NLRP9: variants seen among roughly 807,000 people sequenced by gnomAD.
NLRP9 encodes the protein NACHT, LRR and PYD domains-containing protein 9.
A neutral mutation model predicts 83.1 loss-of-function variants in NLRP9; 88 were observed. The ratio of observed to expected loss-of-function variants is 1.06; its 90% CI spans 0.89 to 1.26. NLRP9 has a LOEUF of 1.26. NLRP9 is among the 50% of genes most tolerant of loss of function. The probability of loss-of-function intolerance (pLI) is 0.00; values close to 1 mark genes in which losing one functional copy is unlikely to be tolerated. For synonymous variants in NLRP9, 521 were observed against 447.6 expected, an observed-to-expected ratio of 1.16 and a Z score of -2.07; for missense variants, 1,308 against 1,179.3, an observed-to-expected ratio of 1.11 and a Z score of -1.60.
At chr19:55,709,477 C>T (rs1369298996) in intron 8 of NLRP9, 3 of 152,460 alleles carry the variant, frequency 2.0e-5, no homozygotes, top group East Asian at 3.8e-4. Context: ...CAGCCTCTTC[C>T]ATTTACAACC....
At position 55,737,734 on chromosome 19, in the gene NLRP9, T is replaced by TAAAAAAAAAAAAAAA. The variant is rs57736610; in HGVS notation, c.280+346_280+360dup. On this transcript the variant is annotated intron_variant, in intron 1 of 8. Coordinates refer to ENST00000332836, the MANE Select transcript of NLRP9 (RefSeq NM_176820.4). ...GAGCAACATGGCAAGACCCTTTCTC[T>TAAAAAAAAAAAAAAA]AAAAAAAAAAAAAAAAAAAAAAAAA... is the stretch of plus-strand genomic sequence containing the variant. 6.6e-4 allele frequency: 53 copies of TAAAAAAAAAAAAAAA among 80,284 alleles called. 1 individual carries two copies. Among genetic ancestry groups the TAAAAAAAAAAAAAAA allele is most frequent in the African/African-American group, 7.4e-4 (15 of 20,380 alleles). The allele number at this position is 80,284 out of a possible 1,614,324, so 5.0% of individuals were successfully genotyped here.
intron 4 of NLRP9, among the ~76,000 whole-genome samples, chr19:55,720,865 A>G (rs1988203879): frequency 6.6e-6 from 1 of 152,248 alleles, no homozygotes; most frequent in African/African-American, 2.4e-5. Context: ...CAGCACATCA[A>G]ACAGACATAT....
chr19:55,716,106 G>A (rs570809571), intron 5 of NLRP9, among the ~76,000 whole-genome samples: 8 of 152,058 alleles, frequency 5.3e-5, no homozygotes, highest in Admixed American at 1.3e-4. Context: ...CGTATACTTC[G>A]CTGAGAGTTG....
intron 6 of NLRP9, 80 bp downstream of exon 6, chr19:55,714,975 C>A: frequency 7.6e-7 from 1 of 1,324,202 alleles, no homozygotes; most frequent in Non-Finnish European, 1.0e-6. Context: ...GCTAGCATAT[C>A]CCTTTCCTAT....
chr19:55,731,383 GGAAA>G (rs971326949), intron 2 of NLRP9, among the ~76,000 whole-genome samples: 2 of 151,606 alleles, frequency 1.3e-5, no homozygotes, highest in Non-Finnish European at 2.9e-5. Flanking sequence ...AAGAAGAAAA[GGAAA>G]GAAAGAGAGA....
At chr19:55,722,680 A>G (rs1988265866) in intron 4 of NLRP9, among the ~76,000 whole-genome samples, 1 of 152,164 alleles carries the variant, frequency 6.6e-6, no homozygotes, top group Non-Finnish European at 1.5e-5. Flanking sequence ...TTATTCTACT[A>G]TAAAGATACA....
At position 55,737,106 on chromosome 19, in the gene NLRP9, C is replaced by T. The variant is rs184929950; in HGVS notation, c.280+989G>A. On this transcript the variant is annotated intron_variant, in intron 1 of 8. Coordinates refer to ENST00000332836, the MANE Select transcript of NLRP9 (RefSeq NM_176820.4). The stretch of plus-strand genomic sequence containing the variant: ...TATTTAGTTTTTCCTAAGTATCCCC[C>T]GAGAGGAGGGTGTAGACCCCATCAA... 9.2e-5 allele frequency among the ~76,000 whole-genome samples: 14 copies of T among 151,970 alleles called. No individual in the cohort carries two copies. The Middle Eastern group carries it at 0.01, about 112-fold the overall frequency.
chr19:55,724,678 C>T (rs1434668278), intron 3 of NLRP9, among the ~76,000 whole-genome samples: 1 of 151,912 alleles, frequency 6.6e-6, no homozygotes, highest in African/African-American at 2.4e-5. Flanking sequence ...TCACATTTTG[C>T]TTTTCTCCTT....
At chr19:55,720,089 T>G (rs1016210176) in intron 4 of NLRP9, among the ~76,000 whole-genome samples, 1 of 152,312 alleles carries the variant, frequency 6.6e-6, no homozygotes, top group Middle Eastern at 3.4e-3. Context: ...ACAGATATTT[T>G]TGGTCTCAAA....
chr19:55,723,367 T>A (rs899138940), intron 4 of NLRP9, among the ~76,000 whole-genome samples: 2 of 150,018 alleles, frequency 1.3e-5, no homozygotes, highest in Non-Finnish European at 3.0e-5. Context: ...GAAAAAAAAA[T>A]GTTGTTCTTG....
In NLRP9 at chr19:55,711,974, C is replaced by G; in HGVS notation, c.2673-4G>C. ...GGTGATCGGACACGTTTGCAGCCTG[C>G]AAAAGGGAAACACACCAGAGAATCC... is the stretch of plus-strand genomic sequence containing the variant. On this transcript the variant is annotated splice_polypyrimidine_tract_variant and splice_region_variant and intron_variant, in intron 7 of 8. Coordinates refer to ENST00000332836, the MANE Select transcript of NLRP9 (RefSeq NM_176820.4). 6.2e-7 allele frequency: 1 copy of G among 1,611,296 alleles called. No individual in the cohort carries two copies. The highest frequency in any genetic ancestry group is 8.5e-7 in the Non-Finnish European group (1 of 1,178,700).
At chr19:55,731,390 AAG>A (rs369135227) in intron 2 of NLRP9, among the ~76,000 whole-genome samples, 75 of 152,032 alleles carry the variant, frequency 4.9e-4, no homozygotes, top group Admixed American at 3.0e-3. Flanking sequence ...AAAGGAAAGA[AAG>A]AGAGAAAAAA....
At chr19:55,714,088 T>A (rs1005246240) in intron 6 of NLRP9, among the ~76,000 whole-genome samples, 4 of 151,070 alleles carry the variant, frequency 2.6e-5, no homozygotes, top group Non-Finnish European at 4.4e-5. Context: ...CAGATGGAAG[T>A]CCATGGGAAC....
intron 3 of NLRP9, among the ~76,000 whole-genome samples, chr19:55,725,974 C>T (rs1439758582): frequency 1.3e-5 from 2 of 151,470 alleles, no homozygotes; most frequent in Middle Eastern, 3.2e-3. Context: ...TGCAGTGAGC[C>T]GAGATTGCAC....
chr19:55,718,984 A>C (rs184251947), intron 4 of NLRP9, among the ~76,000 whole-genome samples: 113 of 152,290 alleles, frequency 7.4e-4, no homozygotes, highest in Admixed American at 1.6e-3. Flanking sequence ...TCCCAGCTGC[A>C]CATCTGTATC....
Position 55,711,928 on chromosome 19 carries a change from G to T in NLRP9, c.2715C>A (p.Ile905=), listed in dbSNP as rs111292272. The T allele has an allele frequency of 6.2e-7, 1 of 1,613,046 alleles. No individual in the cohort carries two copies. The highest frequency in any genetic ancestry group is 1.3e-5 in the African/African-American group (1 of 74,930). Residue 905 remains isoleucine (I), a synonymous_variant, in exon 8 of 9, where the codon ATC becomes ATA. Transcript: ENST00000332836. ...TTTTGCAGGCGATGAGTGCTGCGGCGATGTCGTCGCAGCAGGCACGGGTGA... is the reference window on the plus strand; with the variant it reads ...TTTTGCAGGCGATGAGTGCTGCGGCTATGTCGTCGCAGCAGGCACGGGTGA... ...CPITRACCDD[I]AAALIACKTL...
chr19:55,712,085 C>CG, intron 7 of NLRP9, 115 bp from the exon 8 acceptor site: 1 of 1,062,084 alleles, frequency 9.4e-7, no homozygotes, highest in East Asian at 2.5e-5. Context: ...TGTCTAGACC[C>CG]GGGCTTCTCA....
Position 55,724,118 on chromosome 19 carries a change from T to A in NLRP9, c.2021A>T (p.Asp674Val). The A allele has an allele frequency of 6.2e-7, 1 of 1,612,816 alleles. No individual in the cohort carries two copies. The highest frequency in any genetic ancestry group is 8.5e-7 in the Non-Finnish European group (1 of 1,179,360). Reference protein sequence around the residue: ...LIFTSVYFGHDSELFKAVLHN... With the variant: ...LIFTSVYFGHVSELFKAVLHN... ...AAGAACTGCCTTAAATAATTCTGAA[T>A]CATGTCCAAAGTACACAGAAGTAAA... The change falls in exon 4 of 9, where the codon GAT (aspartate) becomes GTT (valine). Residue 674 changes from aspartate (D) to valine (V), a missense_variant. Asp to Val is a radical substitution (Grantham distance 152). Transcript: ENST00000332836.
intron 8 of NLRP9, among the ~76,000 whole-genome samples, chr19:55,710,653 G>A (rs28759245): frequency 0.045 from 6,808 of 152,140 alleles, 235 homozygotes; most frequent in East Asian, 0.16. Context: ...TCCTGCTCCC[G>A]CCACCAAAGA....
Sources: gnomAD v4.1 joint callset for allele counts (sites outside exome capture counted in the v4.1 genomes callset) on GRCh38, gnomAD v4.1.1 for gene constraint, MANE v1.5 for transcripts, NCBI Gene and HGNC (gene_info 2026-07-23, HGNC 2026-07-21) for gene names.